The following ARF3 variants were observed in gnomAD, a reference collection of about 807,000 sequenced individuals.
The protein encoded by ARF3 is ADP-ribosylation factor 3.
ARF3 carries 5 observed loss-of-function variants against 19.3 expected under a neutral mutation model. The observed-to-expected ratio is 0.26, with a 90% CI of 0.14 to 0.54. ARF3 has a LOEUF of 0.54. Among genes scored for constraint, ARF3 ranks in the 20% least tolerant of loss-of-function variants. ARF3 has a pLI of 0.95. For missense variants in ARF3, 77 were observed against 234.2 expected (o/e 0.33, Z 4.38); for synonymous variants, 71 against 89.2 (o/e 0.80, Z 1.15).
intron 1 of ARF3, among the ~76,000 whole-genome samples, chr12:48,951,502 G>A (rs547664658): frequency 6.6e-5 from 10 of 152,198 alleles, no homozygotes; most frequent in Middle Eastern, 3.4e-3. Context: ...GACGAAGGTT[G>A]CAGCGAGCTG....
At chr12:48,948,042 CAAAA>C (rs768612497) in intron 1 of ARF3, among the ~76,000 whole-genome samples, 1 of 73,204 alleles carries the variant, frequency 1.4e-5, no homozygotes. Context: ...CCCATCGCTA[CAAAA>C]AAAAAAAAAA....
At chr12:48,945,022 C>T (rs889391506) in intron 1 of ARF3, among the ~76,000 whole-genome samples, 39 of 149,174 alleles carry the variant, frequency 2.6e-4, no homozygotes, top group African/African-American at 8.4e-4. Flanking sequence ...TGGTGGTGCG[C>T]GCCTGTACTC....
In ARF3 at chr12:48,941,167, C is replaced by T. The variant is rs1404221509; in HGVS notation, c.-72G>A. Reference sequence around the variant, plus strand: ...AGTGGCAGTCTGGTTTTGGCCTGGTCCCTGGTATGGAAGACTTGATCCTAG... The same window carrying T: ...AGTGGCAGTCTGGTTTTGGCCTGGTTCCTGGTATGGAAGACTTGATCCTAG... On this transcript the variant is annotated 5_prime_UTR_variant, in exon 2 of 5. Coordinates refer to ENST00000256682, the MANE Select transcript of ARF3 (RefSeq NM_001659.3). 4.0e-6 allele frequency: 6 copies of T among 1,491,478 alleles called. No individual in the cohort carries two copies. The highest frequency in any genetic ancestry group is 5.4e-6 in the Non-Finnish European group (6 of 1,102,698). 92.4% of individuals were successfully genotyped at this position (1,491,478 alleles called of 1,614,324 possible).
intron 1 of ARF3, among the ~76,000 whole-genome samples, chr12:48,948,905 C>T (rs563094837): frequency 1.3e-5 from 2 of 152,094 alleles, no homozygotes; most frequent in Admixed American, 6.5e-5. Context: ...TGCTGAGTAA[C>T]GTGATCAGGT....
chr12:48,946,490 T>A (rs1035889495), intron 1 of ARF3, among the ~76,000 whole-genome samples: 1 of 152,150 alleles, frequency 6.6e-6, no homozygotes, highest in African/African-American at 2.4e-5. Flanking sequence ...TGAAAGTGAG[T>A]GGCTCAAGAT....
chr12:48,939,836 C>A lies in ARF3; in HGVS notation c.260-57G>T. 1 of 1,610,086 alleles carries A rather than the reference C, an allele frequency of 6.2e-7. No individual in the cohort carries two copies. The highest frequency in any genetic ancestry group is 1.3e-5 in the African/African-American group (1 of 74,938). ...TGACAGGTAACCCCCTCCCCCCAAC[C>A]AAAAGACCACACCTGCCTGACACCC... On this transcript the variant is annotated intron_variant, in intron 3 of 4. Coordinates refer to ENST00000256682, the MANE Select transcript of ARF3 (RefSeq NM_001659.3). This position sits in a 1 kb window ranked among gnomAD's most constrained non-coding sequence, Gnocchi z 4.8.
intron 1 of ARF3, among the ~76,000 whole-genome samples, chr12:48,950,585 C>A (rs1168928558): frequency 6.6e-6 from 1 of 152,094 alleles, no homozygotes; most frequent in Non-Finnish European, 1.5e-5. Context: ...TACATTCACA[C>A]TGTAGTGTAA....
intron 1 of ARF3, among the ~76,000 whole-genome samples, chr12:48,947,834 C>T (rs1270347013): frequency 1.3e-5 from 2 of 152,042 alleles, no homozygotes; most frequent in Non-Finnish European, 2.9e-5. Context: ...CAGGTCATAC[C>T]TGAGCTGGCT....
At chr12:48,954,620 T>C (rs1039825000) in intron 1 of ARF3, among the ~76,000 whole-genome samples, 7 of 152,192 alleles carry the variant, frequency 4.6e-5, no homozygotes, top group East Asian at 1.9e-4. Flanking sequence ...ACAAGAAACA[T>C]GCAACTGGTA....
At chr12:48,942,737 C>T (rs1038765051) in intron 1 of ARF3, among the ~76,000 whole-genome samples, 2 of 152,154 alleles carry the variant, frequency 1.3e-5, no homozygotes, top group Non-Finnish European at 2.9e-5. Flanking sequence ...TGAACTAATC[C>T]CCAGGGTCTC....
rs1940261206 is a variant in ARF3 at position 48,941,760 on chromosome 12, G to GAA, written c.-93-574_-93-573dup. Among the ~76,000 whole-genome samples the GAA allele has an allele frequency of 2.0e-5, 3 of 152,312 alleles. No individual in the cohort carries two copies. The South Asian group carries it at 6.2e-4, about 32-fold the overall frequency. Reference sequence around the variant, plus strand: ...CCACACCAAAATAAAGGAGGAATAAGAAAGCCGCACTCTTAAAAGAAGCCG... The same window carrying GAA: ...CCACACCAAAATAAAGGAGGAATAAGAAAAAGCCGCACTCTTAAAAGAAGCCG... On this transcript the variant is annotated intron_variant, in intron 1 of 4. Transcript: ENST00000256682.
intron 1 of ARF3, among the ~76,000 whole-genome samples, chr12:48,953,851 C>CT (rs1442410751): frequency 2.6e-5 from 4 of 152,178 alleles, no homozygotes; most frequent in African/African-American, 7.2e-5. Flanking sequence ...TATTAGCACT[C>CT]TATCTATATT....
At chr12:48,954,220 C>T (rs1940520105) in intron 1 of ARF3, among the ~76,000 whole-genome samples, 1 of 152,180 alleles carries the variant, frequency 6.6e-6, no homozygotes. Flanking sequence ...CCAGCTTCAC[C>T]TCCCACTCAG....
intron 1 of ARF3, among the ~76,000 whole-genome samples, chr12:48,945,212 A>T (rs1161700210): frequency 1.3e-5 from 2 of 149,384 alleles, no homozygotes; most frequent in African/African-American, 2.5e-5. Context: ...TGGGAGGCTG[A>T]GGTGGGTGGA....
intron 1 of ARF3, among the ~76,000 whole-genome samples, chr12:48,945,797 T>G (rs963391767): frequency 1.3e-5 from 2 of 152,070 alleles, no homozygotes; most frequent in Non-Finnish European, 2.9e-5. Flanking sequence ...ATGTTATGAC[T>G]CCTCCTCTTT....
In ARF3 at chr12:48,941,177, G is replaced by A; in HGVS notation, c.-82C>T. On this transcript the variant is annotated 5_prime_UTR_variant, in exon 2 of 5. Coordinates refer to ENST00000256682, the MANE Select transcript of ARF3 (RefSeq NM_001659.3). ...TGGTTTTGGCCTGGTCCCTGGTATGGAAGACTTGATCCTAGACAAAGGAAA... is the reference window on the plus strand; with the variant it reads ...TGGTTTTGGCCTGGTCCCTGGTATGAAAGACTTGATCCTAGACAAAGGAAA... 1.4e-6 allele frequency: 2 copies of A among 1,435,726 alleles called. No individual in the cohort carries two copies. The highest frequency in any genetic ancestry group is 2.5e-5 in the East Asian group (1 of 40,794). 88.9% of individuals were successfully genotyped at this position (1,435,726 alleles called of 1,614,324 possible).
intron 1 of ARF3, among the ~76,000 whole-genome samples, chr12:48,945,864 G>T (rs1249623171): frequency 1.3e-5 from 2 of 152,084 alleles, no homozygotes; most frequent in East Asian, 3.9e-4. Flanking sequence ...GAGTGCAGAG[G>T]CAGAGGTTGC....
intron 1 of ARF3, among the ~76,000 whole-genome samples, chr12:48,949,148 C>T (rs1310095044): frequency 6.6e-6 from 1 of 152,182 alleles, no homozygotes; most frequent in Non-Finnish European, 1.5e-5. Flanking sequence ...AGGTTTCTGG[C>T]CTAGGGCTGG....
At chr12:48,945,529 C>G (rs185541719) in intron 1 of ARF3, among the ~76,000 whole-genome samples, 1 of 151,932 alleles carries the variant, frequency 6.6e-6, no homozygotes, top group Non-Finnish European at 1.5e-5. Context: ...CCATCACACT[C>G]CAGCCCGGGC....
Sources: allele counts gnomAD v4.1 joint callset (sites outside exome capture counted in the v4.1 genomes callset), GRCh38; gene constraint gnomAD v4.1.1; non-coding constraint Gnocchi (gnomAD v3.1); transcripts MANE v1.5; gene names NCBI Gene and HGNC (gene_info 2026-07-23, HGNC 2026-07-21).